The following TMTC2 variants were observed in gnomAD, a reference collection of about 807,000 sequenced individuals.
TMTC2 encodes transmembrane O-mannosyltransferase targeting cadherins 2.
TMTC2 carries 43 observed loss-of-function variants against 82.4 expected under a neutral mutation model. The ratio of observed to expected loss-of-function variants is 0.52; its 90% CI spans 0.41 to 0.67. TMTC2 has a LOEUF of 0.67. Among genes scored for constraint, TMTC2 ranks in the 30% least tolerant of loss-of-function variants. The pLI, the probability that TMTC2 is intolerant of heterozygous loss-of-function variation, is 0.00. For synonymous variants in TMTC2, 408 were observed against 381.9 expected, an observed-to-expected ratio of 1.07 and a Z score of -0.80; for missense variants, 919 against 1,012.4, an observed-to-expected ratio of 0.91 and a Z score of 1.25.
At chr12:83,012,443 CAGA>C (rs1197603652) in intron 8 of TMTC2, among the ~76,000 whole-genome samples, 1 of 151,994 alleles carries the variant, frequency 6.6e-6, no homozygotes, top group Non-Finnish European at 1.5e-5. Flanking sequence ...ATTCTGTTGG[CAGA>C]AGTCCTCAGC....
chr12:83,019,870 A>C (rs901643233), intron 8 of TMTC2, among the ~76,000 whole-genome samples: 7 of 152,080 alleles, frequency 4.6e-5, no homozygotes, highest in African/African-American at 1.7e-4. Flanking sequence ...GCATCTTAGT[A>C]TGACTGATAA....
chr12:82,873,749 T>TG (rs1422038640), intron 2 of TMTC2, among the ~76,000 whole-genome samples: 6 of 152,206 alleles, frequency 3.9e-5, no homozygotes, highest in Admixed American at 1.3e-4. Flanking sequence ...TTAGCTTTGA[T>TG]GGGGAGTTTT....
At chr12:82,733,524 A>G (rs1364876683) in intron 1 of TMTC2, among the ~76,000 whole-genome samples, 1 of 152,182 alleles carries the variant, frequency 6.6e-6, no homozygotes, top group Non-Finnish European at 1.5e-5. Context: ...AGAACTACTT[A>G]TGAACAGGCA....
At chr12:82,942,077 A>G (rs193106303) in intron 4 of TMTC2, among the ~76,000 whole-genome samples, 77 of 152,278 alleles carry the variant, frequency 5.1e-4, no homozygotes, top group African/African-American at 1.7e-3. Context: ...TACAAACTCT[A>G]TTGTAAAGGA....
intron 1 of TMTC2, among the ~76,000 whole-genome samples, chr12:82,832,804 T>G (rs1276232768): frequency 2.0e-5 from 3 of 152,204 alleles, no homozygotes; most frequent in African/African-American, 4.8e-5. Context: ...ATAGCTTTTT[T>G]AAAAGGAGGA....
chr12:82,940,767 C>A (rs1195023570), intron 4 of TMTC2, among the ~76,000 whole-genome samples: 1 of 117,258 alleles, frequency 8.5e-6, no homozygotes, highest in East Asian at 2.5e-4. Flanking sequence ...CCTTTTTTTT[C>A]TCAGCTTAAG....
chr12:83,000,181 C>T lies in TMTC2; in HGVS notation c.2070+14135C>T, dbSNP rs185149520. On this transcript the variant is annotated intron_variant, in intron 8 of 11. Transcript: ENST00000321196. Reference sequence around the variant, plus strand: ...GCAGATTCTCGCTCTGTCGCCCAGGCTGGAGTGCAGTGGCATGATCTTGGC... The same window carrying T: ...GCAGATTCTCGCTCTGTCGCCCAGGTTGGAGTGCAGTGGCATGATCTTGGC... 9.2e-3 allele frequency among the ~76,000 whole-genome samples: 1,400 copies of T among 152,086 alleles called. 18 individuals are homozygous for T. The highest frequency in any genetic ancestry group is 0.032 in the African/African-American group (1,310 of 41,486).
intron 1 of TMTC2, among the ~76,000 whole-genome samples, chr12:82,757,171 A>C (rs1406532852): frequency 6.6e-6 from 1 of 152,190 alleles, no homozygotes; most frequent in African/African-American, 2.4e-5. Flanking sequence ...CTTGCAGTTT[A>C]AATAATTCCA....
intron 11 of TMTC2, among the ~76,000 whole-genome samples, chr12:83,116,173 G>A (rs563918369): frequency 1.3e-5 from 2 of 152,268 alleles, no homozygotes; most frequent in South Asian, 4.1e-4. Context: ...GACATATGAT[G>A]TTTGGTTTTC....
chr12:83,011,034 C>T (rs1170397589), intron 8 of TMTC2, among the ~76,000 whole-genome samples: 1 of 152,102 alleles, frequency 6.6e-6, no homozygotes, highest in Non-Finnish European at 1.5e-5. Context: ...GGGGTTTTGC[C>T]ATGTTGGCCA....
rs1428097878 is a variant in TMTC2, at chr12:83,134,169, C to T, written c.*1780C>T. The T allele has an allele frequency of 6.6e-6, 1 of 152,230 alleles. No individual in the cohort carries two copies. Among genetic ancestry groups the T allele is most frequent in the Non-Finnish European group, 1.5e-5 (1 of 67,976 alleles). The allele number at this position is 152,230 out of a possible 1,614,324, so 9.4% of individuals were successfully genotyped here. A position where few individuals can be genotyped will look rare whatever the true frequency, so the allele number is the denominator to read the frequency against. On this transcript the variant is annotated 3_prime_UTR_variant, in exon 12 of 12. Coordinates refer to ENST00000321196, the MANE Select transcript of TMTC2 (RefSeq NM_152588.3). ...ATTTTGTAAACATTTCACTGAAGGG[C>T]CAAAAGTTAAATTATAACTAAATCA...
At chr12:82,802,300 C>T (rs1040618819) in intron 1 of TMTC2, among the ~76,000 whole-genome samples, 5 of 152,328 alleles carry the variant, frequency 3.3e-5, no homozygotes, top group Non-Finnish European at 4.4e-5. Flanking sequence ...CCCACCCGTG[C>T]GCAGCCCTTG....
intron 2 of TMTC2, 72 bp from the exon 3 acceptor site, chr12:82,895,746 C>A: frequency 1.5e-6 from 2 of 1,329,800 alleles, no homozygotes; most frequent in South Asian, 2.9e-5. Context: ...TGTATTTTAT[C>A]TCTAAGTGTT....
intron 11 of TMTC2, among the ~76,000 whole-genome samples, chr12:83,104,215 T>A (rs1168720073): frequency 1.3e-5 from 2 of 152,180 alleles, no homozygotes; most frequent in East Asian, 3.9e-4. Context: ...AGGCCCAGAG[T>A]GCAATCTCCT....
At chr12:82,944,652 A>T (rs558819982) in intron 4 of TMTC2, among the ~76,000 whole-genome samples, 6 of 152,114 alleles carry the variant, frequency 3.9e-5, no homozygotes, top group African/African-American at 1.4e-4. Context: ...AAGTTGTGTG[A>T]TGTCATTGAA....
At chr12:83,034,362 C>A (rs1881577775) in intron 9 of TMTC2, among the ~76,000 whole-genome samples, 1 of 151,686 alleles carries the variant, frequency 6.6e-6, no homozygotes, top group Non-Finnish European at 1.5e-5. Context: ...GTGTTCACAG[C>A]AGAGAAAAAA....
chr12:82,711,984 G>A (rs965173251), intron 1 of TMTC2, among the ~76,000 whole-genome samples: 1 of 152,042 alleles, frequency 6.6e-6, no homozygotes, highest in African/African-American at 2.4e-5. Flanking sequence ...CATACAGCAC[G>A]CTCTATCTTT....
intron 2 of TMTC2, among the ~76,000 whole-genome samples, chr12:82,877,656 C>G (rs907453153): frequency 2.6e-5 from 4 of 152,072 alleles, no homozygotes; most frequent in African/African-American, 9.7e-5. Flanking sequence ...TATTCTTCTC[C>G]TGTTCTTCAT....
chr12:82,752,542 A>G (rs1378114986), intron 1 of TMTC2, among the ~76,000 whole-genome samples: 2 of 152,060 alleles, frequency 1.3e-5, no homozygotes, highest in Admixed American at 6.6e-5. Context: ...CTGAGTGACG[A>G]TAGGGGCGCT....
Sources: gnomAD v4.1 joint callset for allele counts (sites outside exome capture counted in the v4.1 genomes callset) on GRCh38, gnomAD v4.1.1 for gene constraint, MANE v1.5 for transcripts, NCBI Gene and HGNC (gene_info 2026-07-23, HGNC 2026-07-21) for gene names.